GALNT13: variants seen among roughly 807,000 people sequenced by gnomAD.
GALNT13 encodes the protein UDP-GalNAc:polypeptide N-acetylgalactosaminyltransferase 13.
A neutral mutation model predicts 64.2 loss-of-function variants in GALNT13; 28 were observed. The observed-to-expected ratio is 0.44, with a 90% CI of 0.32 to 0.60. The LOEUF (loss-of-function observed/expected upper bound fraction) is 0.60. Among genes scored for constraint, GALNT13 ranks in the 20% least tolerant of loss-of-function variants. The pLI is 0.05. For missense variants in GALNT13, 577 were observed against 669.8 expected, an observed-to-expected ratio of 0.86 and a Z score of 1.53; for synonymous variants, 214 against 224.6, an observed-to-expected ratio of 0.95 and a Z score of 0.42.
the GALNT13 span, among the ~76,000 whole-genome samples, chr2:153,321,581 A>G: frequency 2.6e-5 from 4 of 152,228 alleles, no homozygotes; most frequent in African/African-American, 9.6e-5. Flanking sequence ...GTTGTTTCTT[A>G]AGAACATCTA....
intron 8 of GALNT13, among the ~76,000 whole-genome samples, chr2:154,272,107 T>A (rs1691386425): frequency 1.3e-5 from 2 of 151,986 alleles, no homozygotes; most frequent in Non-Finnish European, 2.9e-5. Flanking sequence ...GTGAATGATA[T>A]TTTATAGGGC....
chr2:154,204,516 C>G (rs917452648), intron 4 of GALNT13, among the ~76,000 whole-genome samples: 4 of 152,066 alleles, frequency 2.6e-5, no homozygotes, highest in Non-Finnish European at 5.9e-5. Context: ...TTTTAAGACT[C>G]ACAATTATTC....
intron 9 of GALNT13, among the ~76,000 whole-genome samples, chr2:154,354,819 T>C (rs1402590299): frequency 1.3e-5 from 2 of 152,066 alleles, no homozygotes; most frequent in Non-Finnish European, 2.9e-5. Flanking sequence ...TGATTTTAAA[T>C]TATAATTTGT....
chr2:153,391,194 T>C, the GALNT13 span, among the ~76,000 whole-genome samples: 2 of 152,118 alleles, frequency 1.3e-5, no homozygotes, highest in Admixed American at 6.5e-5. Context: ...TGTTGGAAGG[T>C]TTTGAGCACA....
the GALNT13 span, among the ~76,000 whole-genome samples, chr2:153,739,546 A>G: frequency 1.5e-5 from 2 of 130,920 alleles, no homozygotes; most frequent in Admixed American, 1.7e-4. Context: ...TAATGTATTT[A>G]TTTTTATTTA....
Position 154,131,645 on chromosome 2 carries a change from C to T in GALNT13, c.143-8692C>T, listed in dbSNP as rs1024218593. Among the ~76,000 whole-genome samples, 14 of 152,100 alleles carry T rather than the reference C, an allele frequency of 9.2e-5. No homozygotes were observed. The South Asian group carries it at 1.0e-3, about 11-fold the overall frequency. ...ACTGAAGCCAGATTTTTCGTTAATA[C>T]CTAGCTAAAATTACCCTAGTGGGTG... On this transcript the variant is annotated intron_variant, in intron 3 of 12. Transcript: ENST00000392825.
intron 8 of GALNT13, among the ~76,000 whole-genome samples, chr2:154,281,010 C>T (rs1691934478): frequency 6.6e-6 from 1 of 152,106 alleles, no homozygotes; most frequent in African/African-American, 2.4e-5. Context: ...CTACTTTTGT[C>T]TTAATAATCA....
At chr2:153,118,239 C>T in the GALNT13 span, among the ~76,000 whole-genome samples, 1 of 151,920 alleles carries the variant, frequency 6.6e-6, no homozygotes, top group African/African-American at 2.4e-5. Context: ...CTAGTTGCAA[C>T]CTAAAACTTC....
chr2:154,241,034 C>G (rs1689457025), intron 4 of GALNT13, among the ~76,000 whole-genome samples: 1 of 152,140 alleles, frequency 6.6e-6, no homozygotes, highest in African/African-American at 2.4e-5. Flanking sequence ...GCATCCCTCT[C>G]CATGTCTAGC....
the GALNT13 span, among the ~76,000 whole-genome samples, chr2:153,504,648 A>G: frequency 6.6e-6 from 1 of 152,068 alleles, no homozygotes; most frequent in African/African-American, 2.4e-5. Context: ...TGATCATATG[A>G]TTTTTGTTTT....
chr2:153,325,104 C>A, the GALNT13 span, among the ~76,000 whole-genome samples: 1 of 139,444 alleles, frequency 7.2e-6, no homozygotes, highest in East Asian at 2.2e-4. Context: ...GTGAATCCCT[C>A]TGGACCTGGG....
At chr2:153,475,727 T>C in the GALNT13 span, among the ~76,000 whole-genome samples, 1 of 152,300 alleles carries the variant, frequency 6.6e-6, no homozygotes, top group Admixed American at 6.5e-5. Context: ...TGTTTTTTTA[T>C]CCCAAATCGA....
chr2:153,231,628 G>T, the GALNT13 span, among the ~76,000 whole-genome samples: 6 of 152,172 alleles, frequency 3.9e-5, no homozygotes, highest in South Asian at 1.2e-3. Context: ...TGGAATAAAT[G>T]ACAAAAACAC....
At chr2:153,473,433 A>T in the GALNT13 span, among the ~76,000 whole-genome samples, 139 of 152,310 alleles carry the variant, frequency 9.1e-4, no homozygotes, top group African/African-American at 3.2e-3. Context: ...CAACACAAAA[A>T]TATCAGGAAA....
chr2:154,277,155 T>A (rs1559063411), intron 8 of GALNT13, among the ~76,000 whole-genome samples: 1 of 152,210 alleles, frequency 6.6e-6, no homozygotes, highest in Non-Finnish European at 1.5e-5. Flanking sequence ...AAGCATTACA[T>A]GTGTATCTTA....
At chr2:153,594,760 A>C in the GALNT13 span, among the ~76,000 whole-genome samples, 1 of 152,146 alleles carries the variant, frequency 6.6e-6, no homozygotes, top group Admixed American at 6.6e-5. Context: ...TTGTAAACAC[A>C]ATAGTTTTAC....
intron 10 of GALNT13, among the ~76,000 whole-genome samples, chr2:154,399,080 GATTTTATTATATTTTAATC>G (rs958663665): frequency 3.3e-5 from 5 of 152,208 alleles, no homozygotes; most frequent in African/African-American, 1.2e-4. Context: ...AGAAATAGAT[GATTTTATTATATTTTAATC>G]ATTCAAAATG....
chr2:153,386,170 A>G, the GALNT13 span, among the ~76,000 whole-genome samples: 2 of 152,098 alleles, frequency 1.3e-5, no homozygotes, highest in African/African-American at 4.8e-5. Flanking sequence ...TTGATGTGAC[A>G]GGAAATCAGT....
chr2:154,320,472 G>A (rs887239192), intron 9 of GALNT13, among the ~76,000 whole-genome samples: 3 of 152,162 alleles, frequency 2.0e-5, no homozygotes, highest in African/African-American at 7.2e-5. Flanking sequence ...ATTCAGTAGG[G>A]ATGTTGCCCA....
Sources: allele counts gnomAD v4.1 joint callset (sites outside exome capture counted in the v4.1 genomes callset), GRCh38; gene constraint gnomAD v4.1.1; transcripts MANE v1.5; gene names NCBI Gene and HGNC (gene_info 2026-07-23, HGNC 2026-07-21).